Variants in GALM observed in about 807,000 individuals in gnomAD.
The protein encoded by GALM is galactose mutarotase.
A neutral mutation model predicts 37.4 loss-of-function variants in GALM; 43 were observed. That is an observed-to-expected ratio of 1.15 (90% CI 0.90 to 1.48). GALM has a LOEUF of 1.48. Ranked by LOEUF, GALM falls within the 40% of genes most tolerant of loss-of-function variation. GALM has a pLI of 0.00. For synonymous variants in GALM, 199 were observed against 170.6 expected, an observed-to-expected ratio of 1.17 and a Z score of -1.30; for missense variants, 456 against 419.1, an observed-to-expected ratio of 1.09 and a Z score of -0.77.
intron 3 of GALM, among the ~76,000 whole-genome samples, chr2:38,683,988 C>T (rs75834156): frequency 0.063 from 9,601 of 152,194 alleles, 414 homozygotes; most frequent in Non-Finnish European, 0.092. Context: ...CAAGGCACTC[C>T]GGTAGGAGTG....
At chr2:38,711,095 C>T (rs1666143742) in intron 4 of GALM, among the ~76,000 whole-genome samples, 1 of 151,826 alleles carries the variant, frequency 6.6e-6, no homozygotes. Context: ...GTCTTTAGGC[C>T]TCTCCTCTTG....
chr2:38,717,049 A>G (rs1666282135), intron 4 of GALM, among the ~76,000 whole-genome samples: 1 of 151,982 alleles, frequency 6.6e-6, no homozygotes, highest in Admixed American at 6.6e-5. Context: ...TCAGGAGTTC[A>G]AGACCAGCCT....
intron 1 of GALM, among the ~76,000 whole-genome samples, chr2:38,673,975 T>G (rs1311634440): frequency 5.3e-5 from 8 of 152,148 alleles, no homozygotes; most frequent in Admixed American, 3.9e-4. Flanking sequence ...GGAATATGTG[T>G]GTTTGTGTAT....
intron 6 of GALM, 60 bp downstream of exon 6, chr2:38,731,969 G>C (rs927004310): frequency 7.5e-7 from 1 of 1,328,032 alleles, no homozygotes; most frequent in African/African-American, 1.5e-5. Flanking sequence ...CTGTACGACA[G>C]AGTTCACTAC....
chr2:38,691,951 G>T (rs934375256), intron 4 of GALM, among the ~76,000 whole-genome samples: 2 of 152,040 alleles, frequency 1.3e-5, no homozygotes, highest in Non-Finnish European at 2.9e-5. Context: ...AGTTTTCTGG[G>T]GACCAGTGAA....
At chr2:38,698,513 TA>T (rs1241787730) in intron 4 of GALM, 51,856 of 504,684 alleles carry the variant, frequency 0.1, no homozygotes, top group South Asian at 0.18. Context: ...CTTAGCTACT[TA>T]AAAAAAAAAA....
intron 4 of GALM, among the ~76,000 whole-genome samples, chr2:38,707,572 GTA>G (rs923587977): frequency 1.3e-5 from 2 of 152,184 alleles, no homozygotes; most frequent in African/African-American, 4.8e-5. Context: ...GTTTAAGAAT[GTA>G]ACAGAGTGGT....
intron 4 of GALM, among the ~76,000 whole-genome samples, chr2:38,710,186 G>A (rs1488395047): frequency 6.6e-6 from 1 of 152,204 alleles, no homozygotes; most frequent in African/African-American, 2.4e-5. Context: ...CAGACTCAGT[G>A]GCTGGAGTGG....
chr2:38,718,196 C>CTTTTTTTTTT (rs3059479), intron 4 of GALM, among the ~76,000 whole-genome samples: 4 of 131,282 alleles, frequency 3.0e-5, no homozygotes, highest in Non-Finnish European at 4.7e-5. Flanking sequence ...TTTTTCTTTT[C>CTTTTTTTTTT]TTTTTTTTTT....
At position 38,694,064 on chromosome 2, in the gene GALM, C is replaced by CCCAG. The variant is rs571732415; in HGVS notation, c.634+4172_634+4175dup. Among the ~76,000 whole-genome samples the CCCAG allele has an allele frequency of 2.4e-3, 367 of 152,098 alleles. 2 individuals are homozygous for CCCAG. The highest frequency in any genetic ancestry group is 4.5e-3 in the Non-Finnish European group (303 of 67,980). ...AGGAGTGTTGGTGCATGCCTGTGGT[C>CCCAG]CCAGCTATTTGGGAGGCTGAGGTAA... On this transcript the variant is annotated intron_variant, in intron 4 of 6. Coordinates refer to ENST00000272252, the MANE Select transcript of GALM (RefSeq NM_138801.3).
chr2:38,696,581 A>T (rs1665810880), intron 4 of GALM, among the ~76,000 whole-genome samples: 1 of 151,438 alleles, frequency 6.6e-6, no homozygotes, highest in African/African-American at 2.4e-5. Flanking sequence ...ACAGGTGCAC[A>T]TCACCATACC....
At chr2:38,693,317 T>C (rs1665723292) in intron 4 of GALM, among the ~76,000 whole-genome samples, 2 of 152,078 alleles carry the variant, frequency 1.3e-5, no homozygotes, top group African/African-American at 4.8e-5. Flanking sequence ...ACCCTGTCTC[T>C]ACTAAAAATT....
At chr2:38,687,433 G>A (rs1166694775) in intron 3 of GALM, among the ~76,000 whole-genome samples, 2 of 152,218 alleles carry the variant, frequency 1.3e-5, no homozygotes, top group African/African-American at 2.4e-5. Flanking sequence ...CTTCTGGACA[G>A]GCATGGTGGC....
At chr2:38,703,604 C>A (rs1449617584) in intron 4 of GALM, among the ~76,000 whole-genome samples, 2 of 152,122 alleles carry the variant, frequency 1.3e-5, no homozygotes, top group Non-Finnish European at 2.9e-5. Context: ...ATTTCTTACA[C>A]CCTGATTCAA....
rs566713692 is a variant in GALM, at chr2:38,686,235, T to C, written c.553-3578T>C. On this transcript the variant is annotated intron_variant, in intron 3 of 6. Transcript: ENST00000272252. Reference sequence around the variant, plus strand: ...GAAAGTGGAAATTTCTTTCTTTCTTTCTTTCTTTCTTTCTTTCTTTCTTTC... The same window carrying C: ...GAAAGTGGAAATTTCTTTCTTTCTTCCTTTCTTTCTTTCTTTCTTTCTTTC... Among the ~76,000 whole-genome samples, 1,236 of 79,712 alleles carry C rather than the reference T, an allele frequency of 0.016. 76 individuals are homozygous for C. In the East Asian group the frequency reaches 0.18, roughly 12 times the overall value. 52.3% of individuals were successfully genotyped at this position (79,712 alleles called of 152,430 possible). A position where few individuals can be genotyped will look rare whatever the true frequency, so the allele number is the denominator to read the frequency against.
chr2:38,711,928 A>G (rs1407297830), intron 4 of GALM, among the ~76,000 whole-genome samples: 2 of 151,800 alleles, frequency 1.3e-5, no homozygotes, highest in Non-Finnish European at 2.9e-5. Context: ...TAATTCTCAT[A>G]ACAACTCCAT....
At chr2:38,679,100 C>A (rs1665331390) in intron 2 of GALM, among the ~76,000 whole-genome samples, 1 of 152,168 alleles carries the variant, frequency 6.6e-6, no homozygotes. Context: ...GGTTCTCCTG[C>A]CTCAACCTCC....
chr2:38,669,239 T>C (rs1572506768), intron 1 of GALM: 1 of 152,204 alleles, frequency 6.6e-6, no homozygotes, highest in African/African-American at 2.4e-5. Flanking sequence ...TAGTTAAAGA[T>C]CGACCCCTGA....
intron 4 of GALM, among the ~76,000 whole-genome samples, chr2:38,725,088 G>C (rs1666458380): frequency 6.6e-6 from 1 of 152,178 alleles, no homozygotes. Context: ...GTTAGATTTT[G>C]AGTTGACTGT....
Sources: gnomAD v4.1 joint callset for allele counts (sites outside exome capture counted in the v4.1 genomes callset) on GRCh38, gnomAD v4.1.1 for gene constraint, MANE v1.5 for transcripts, NCBI Gene and HGNC (gene_info 2026-07-23, HGNC 2026-07-21) for gene names.